CDK14: variants seen among roughly 807,000 people sequenced by gnomAD.
CDK14 encodes cyclin dependent kinase 14, also known as cyclin-dependent kinase 14.
Under a neutral mutation model 60.7 loss-of-function variants are expected in CDK14, and 34 were observed. The observed-to-expected ratio is 0.56, with a 90% CI of 0.43 to 0.75. CDK14 has a LOEUF of 0.75. Among genes scored for constraint, CDK14 ranks in the 30% least tolerant of loss-of-function variants. The probability of loss-of-function intolerance (pLI) is 0.00; values close to 1 mark genes in which losing one functional copy is unlikely to be tolerated. For missense variants in CDK14, 482 were observed against 564.1 expected, an observed-to-expected ratio of 0.85 and a Z score of 1.47; for synonymous variants, 197 against 203.7, an observed-to-expected ratio of 0.97 and a Z score of 0.28.
intron 10 of CDK14, among the ~76,000 whole-genome samples, chr7:91,021,299 C>T (rs1796428558): frequency 1.3e-5 from 2 of 152,300 alleles, no homozygotes; most frequent in South Asian, 4.1e-4. Context: ...GACTTAACCT[C>T]TGTGTCCCAG....
intron 5 of CDK14, among the ~76,000 whole-genome samples, chr7:90,836,497 A>G (rs6961911): frequency 0.15 from 22,409 of 152,178 alleles, 1,807 homozygotes; most frequent in Middle Eastern, 0.25. Flanking sequence ...TTCAGGAGCA[A>G]TAACATGCTT....
At chr7:91,081,404 A>G (rs181026779) in intron 12 of CDK14, among the ~76,000 whole-genome samples, 14 of 152,340 alleles carry the variant, frequency 9.2e-5, no homozygotes, top group Non-Finnish European at 1.5e-4. Flanking sequence ...AGCAACTGTT[A>G]AATTCTCTTG....
chr7:91,013,381 T>C (rs1257694129), intron 10 of CDK14, among the ~76,000 whole-genome samples: 2 of 152,204 alleles, frequency 1.3e-5, no homozygotes, highest in Admixed American at 1.3e-4. Context: ...CTTCTACCAA[T>C]TATTAAAACT....
chr7:90,626,788 A>C (rs1330101934), intron 2 of CDK14, among the ~76,000 whole-genome samples: 1 of 152,098 alleles, frequency 6.6e-6, no homozygotes, highest in East Asian at 1.9e-4. Context: ...AAAAAATAAA[A>C]TTAGCCAGGT....
chr7:90,816,496 A>G (rs965979364), intron 5 of CDK14, among the ~76,000 whole-genome samples: 2 of 152,182 alleles, frequency 1.3e-5, no homozygotes, highest in Non-Finnish European at 1.5e-5. Flanking sequence ...TTACTTTGGC[A>G]TGAATTTAAT....
chr7:90,810,671 A>C (rs919550091), intron 5 of CDK14, among the ~76,000 whole-genome samples: 8 of 152,198 alleles, frequency 5.3e-5, no homozygotes, highest in Non-Finnish European at 1.2e-4. Context: ...AGAGGAAGTC[A>C]AATTGTCCCT....
chr7:91,169,497 C>G (rs1012437997), intron 14 of CDK14, among the ~76,000 whole-genome samples: 5 of 152,038 alleles, frequency 3.3e-5, no homozygotes, highest in African/African-American at 1.2e-4. Flanking sequence ...GCAGTAGGGA[C>G]ATTTTACAGC....
chr7:91,118,433 G>C (rs1799679506), intron 14 of CDK14, among the ~76,000 whole-genome samples: 1 of 151,870 alleles, frequency 6.6e-6, no homozygotes, highest in Non-Finnish European at 1.5e-5. Flanking sequence ...TATTTATGTA[G>C]TCATAGGCAA....
At chr7:90,887,885 C>A (rs938189433) in intron 6 of CDK14, among the ~76,000 whole-genome samples, 1 of 152,076 alleles carries the variant, frequency 6.6e-6, no homozygotes, top group Admixed American at 6.6e-5. Context: ...TAAGTAAACT[C>A]CTAAATTGTG....
chr7:90,748,932 G>A (rs537788880), intron 4 of CDK14, among the ~76,000 whole-genome samples: 1 of 152,228 alleles, frequency 6.6e-6, no homozygotes, highest in African/African-American at 2.4e-5. Flanking sequence ...AGAAGATGTA[G>A]AAGAGAAAAA....
intron 5 of CDK14, among the ~76,000 whole-genome samples, chr7:90,818,423 A>G (rs989460461): frequency 6.6e-5 from 10 of 152,214 alleles, no homozygotes; most frequent in Non-Finnish European, 7.3e-5. Flanking sequence ...TCAACTGCCA[A>G]CCACACAAAT....
At chr7:90,729,372 C>CCCACTTTT (rs1802773404) in intron 3 of CDK14, among the ~76,000 whole-genome samples, 1 of 93,546 alleles carries the variant, frequency 1.1e-5, no homozygotes, top group Non-Finnish European at 1.9e-5. Flanking sequence ...TTTTTTTTTT[C>CCCACTTTT]CCCACTCATC....
chr7:90,878,538 C>T (rs574819360), intron 6 of CDK14, among the ~76,000 whole-genome samples: 10 of 151,604 alleles, frequency 6.6e-5, no homozygotes, highest in East Asian at 2.0e-4. Flanking sequence ...GTACATCAGC[C>T]TTCATCTGGA....
intron 2 of CDK14, among the ~76,000 whole-genome samples, chr7:90,636,819 A>T (rs979964522): frequency 3.9e-5 from 6 of 152,144 alleles, no homozygotes; most frequent in Admixed American, 6.5e-5. Flanking sequence ...GGATCCTGTT[A>T]TTAGTCTATT....
intron 13 of CDK14, among the ~76,000 whole-genome samples, chr7:91,115,569 A>G (rs758530274): frequency 2.0e-5 from 3 of 152,192 alleles, no homozygotes; most frequent in Non-Finnish European, 2.9e-5. Flanking sequence ...AAGATGGCTC[A>G]TAGCACTTTC....
chr7:90,827,154 CTTAATGGTT>C (rs1342865999), intron 5 of CDK14, among the ~76,000 whole-genome samples: 1 of 151,326 alleles, frequency 6.6e-6, no homozygotes, highest in Non-Finnish European at 1.5e-5. Context: ...ATGTTTCTGT[CTTAATGGTT>C]TTGTCTTTTC....
chr7:90,683,643 A>C (rs1801369112), intron 2 of CDK14, among the ~76,000 whole-genome samples: 1 of 152,220 alleles, frequency 6.6e-6, no homozygotes, highest in South Asian at 2.1e-4. Context: ...TCTACTAAAA[A>C]TACAAAAATT....
intron 5 of CDK14, among the ~76,000 whole-genome samples, chr7:90,849,591 G>A (rs946607891): frequency 1.3e-5 from 2 of 151,916 alleles, no homozygotes; most frequent in Non-Finnish European, 2.9e-5. Context: ...GGAGAGGGTG[G>A]GGAGCCATAG....
chr7:91,096,589 A>AT (rs1178994645), intron 12 of CDK14, among the ~76,000 whole-genome samples: 3 of 152,108 alleles, frequency 2.0e-5, no homozygotes, highest in African/African-American at 7.2e-5. Context: ...GAAAATATAA[A>AT]TTTTTTTATC....
Sources: allele counts gnomAD v4.1 joint callset (sites outside exome capture counted in the v4.1 genomes callset), GRCh38; gene constraint gnomAD v4.1.1; transcripts MANE v1.5; gene names NCBI Gene and HGNC (gene_info 2026-07-23, HGNC 2026-07-21).